Variants in EXOC4 observed in about 807,000 individuals in gnomAD.
EXOC4 encodes SEC8-like 1.
Under a neutral mutation model 107.2 loss-of-function variants are expected in EXOC4, and 71 were observed. The observed-to-expected ratio is 0.66, with a 90% confidence interval of 0.55 to 0.81. The LOEUF is 0.81. Ranked by LOEUF, EXOC4 falls within the 30% of genes least tolerant of loss-of-function variation. The pLI is 0.00. For synonymous variants in EXOC4, 456 were observed against 441.2 expected (o/e 1.03, Z -0.42); for missense variants, 1,108 against 1,189.6 (o/e 0.93, Z 1.01).
chr7:133,655,816 A>C (rs535846972), intron 10 of EXOC4, among the ~76,000 whole-genome samples: 32 of 152,342 alleles, frequency 2.1e-4, no homozygotes, highest in African/African-American at 7.5e-4. Flanking sequence ...AATAAGGAGG[A>C]ATACACTCTC....
At chr7:133,713,249 T>C (rs1018775554) in intron 10 of EXOC4, among the ~76,000 whole-genome samples, 8 of 152,200 alleles carry the variant, frequency 5.3e-5, no homozygotes, top group Non-Finnish European at 1.0e-4. Flanking sequence ...TCTCCTCTTC[T>C]ACAGAGTTGC....
chr7:133,736,973 G>T (rs1467488646), intron 10 of EXOC4, among the ~76,000 whole-genome samples: 1 of 152,040 alleles, frequency 6.6e-6, no homozygotes, highest in Non-Finnish European at 1.5e-5. Flanking sequence ...TGTTTCTTCA[G>T]CCACCTATGC....
At chr7:133,755,272 A>C (rs1260903120) in intron 10 of EXOC4, among the ~76,000 whole-genome samples, 1 of 103,100 alleles carries the variant, frequency 9.7e-6, no homozygotes, top group Non-Finnish European at 1.9e-5. Flanking sequence ...TATTATATAT[A>C]TTATATATAT....
chr7:133,919,597 C>T (rs187449454), intron 13 of EXOC4, among the ~76,000 whole-genome samples: 25 of 152,230 alleles, frequency 1.6e-4, no homozygotes, highest in African/African-American at 2.2e-4. Context: ...TCCATAGTTT[C>T]GTCTTTTGCA....
At chr7:133,526,499 C>T (rs1800081310) in intron 9 of EXOC4, among the ~76,000 whole-genome samples, 1 of 152,132 alleles carries the variant, frequency 6.6e-6, no homozygotes. Context: ...TCCATTGATC[C>T]TACATTCTGT....
At chr7:133,677,227 G>A (rs1585072419) in intron 10 of EXOC4, among the ~76,000 whole-genome samples, 1 of 151,958 alleles carries the variant, frequency 6.6e-6, no homozygotes, top group Non-Finnish European at 1.5e-5. Context: ...CTTTGTTACC[G>A]TTAAGATGTA....
chr7:133,384,368 T>G (rs1351984207), intron 7 of EXOC4, among the ~76,000 whole-genome samples: 1 of 152,096 alleles, frequency 6.6e-6, no homozygotes, highest in Non-Finnish European at 1.5e-5. Context: ...GTCTTCCTTC[T>G]CCCTCACTGC....
chr7:133,563,613 AGTTAT>A (rs1349152770), intron 9 of EXOC4, among the ~76,000 whole-genome samples: 8 of 152,320 alleles, frequency 5.3e-5, no homozygotes, highest in African/African-American at 1.9e-4. Flanking sequence ...GCTGTAGCCT[AGTTAT>A]GTGTAGCTCG....
chr7:133,701,374 A>G (rs902948905), intron 10 of EXOC4, among the ~76,000 whole-genome samples: 1 of 152,214 alleles, frequency 6.6e-6, no homozygotes, highest in Non-Finnish European at 1.5e-5. Flanking sequence ...ACAGGCTCAA[A>G]ATGGAAACAT....
chr7:134,067,634 TATATACACACACACACACAC>T (rs1355587611), downstream of EXOC4, among the ~76,000 whole-genome samples: 4 of 133,758 alleles, frequency 3.0e-5, no homozygotes, highest in Admixed American at 3.1e-4. Context: ...CTTATATATA[TATATACACACACACACACAC>T]ACACACACAC....
In EXOC4 at chr7:133,339,263, G is replaced by A. The variant is rs769062089; in HGVS notation, c.764-17067G>A. Among the ~76,000 whole-genome samples the A allele has an allele frequency of 8.5e-4, 130 of 152,148 alleles. 1 individual carries two copies. The highest frequency in any genetic ancestry group is 1.4e-3 in the Non-Finnish European group (96 of 67,994). On this transcript the variant is annotated intron_variant, in intron 5 of 17. Coordinates refer to ENST00000253861, the MANE Select transcript of EXOC4 (RefSeq NM_021807.4). The stretch of plus-strand genomic sequence containing the variant: ...GTGTGTGTGTGTGTTGTTGAATAGG[G>A]TGTCCTTTCTCTGCTTTATGTTTTT...
At chr7:133,569,602 G>A (rs954587522) in intron 9 of EXOC4, among the ~76,000 whole-genome samples, 1 of 152,112 alleles carries the variant, frequency 6.6e-6, no homozygotes, top group Non-Finnish European at 1.5e-5. Flanking sequence ...ATAATATTGA[G>A]GAAAGATGTG....
intron 9 of EXOC4, among the ~76,000 whole-genome samples, chr7:133,549,721 G>C (rs2150940167): frequency 6.6e-6 from 1 of 152,226 alleles, no homozygotes; most frequent in African/African-American, 2.4e-5. Flanking sequence ...ATAAAGCAAA[G>C]CATACTTCAA....
intron 9 of EXOC4, among the ~76,000 whole-genome samples, chr7:133,563,818 A>G (rs1174915364): frequency 2.6e-5 from 4 of 152,360 alleles, no homozygotes; most frequent in Admixed American, 6.5e-5. Flanking sequence ...TTGGGTAAAG[A>G]TAGAAATTTG....
At chr7:133,823,917 ATATATAAAT>A (rs1797634232) in intron 11 of EXOC4, among the ~76,000 whole-genome samples, 5 of 71,878 alleles carry the variant, frequency 7.0e-5, no homozygotes, top group Admixed American at 3.8e-4. Flanking sequence ...ATATAAATAT[ATATATAAAT>A]TATATATATA....
chr7:134,012,487 TTACTG>T (rs1016191656), intron 17 of EXOC4, among the ~76,000 whole-genome samples: 2 of 152,170 alleles, frequency 1.3e-5, no homozygotes, highest in African/African-American at 2.4e-5. Context: ...AAGTTTTTAT[TTACTG>T]TAATGAAAGT....
Position 133,709,970 on chromosome 7 carries a change from A to T in EXOC4, c.1514+79829A>T, listed in dbSNP as rs147413539. 5.9e-4 allele frequency among the ~76,000 whole-genome samples: 90 copies of T among 152,254 alleles called. 2 individuals are homozygous for T. In the East Asian group the frequency reaches 0.016, roughly 27 times the overall value. On this transcript the variant is annotated intron_variant, in intron 10 of 17. Coordinates refer to ENST00000253861, the MANE Select transcript of EXOC4 (RefSeq NM_021807.4). ...ACATATGTTATTACACCAAACTTAAATTGGTCACCATTATCCTCTTAGCAT... is the reference window on the plus strand; with the variant it reads ...ACATATGTTATTACACCAAACTTAATTTGGTCACCATTATCCTCTTAGCAT...
At chr7:133,380,016 A>G (rs1318338814) in intron 7 of EXOC4, among the ~76,000 whole-genome samples, 5 of 151,406 alleles carry the variant, frequency 3.3e-5, no homozygotes, top group Admixed American at 1.3e-4. Flanking sequence ...ACATGTTCTC[A>G]CTCATAGGTG....
the EXOC4 span, among the ~76,000 whole-genome samples, chr7:134,076,333 C>T: frequency 3.9e-5 from 6 of 152,178 alleles, no homozygotes; most frequent in East Asian, 3.9e-4. Context: ...CTGGCTAACA[C>T]GGTGAAACCC....
Sources: gnomAD v4.1 joint callset for allele counts (sites outside exome capture counted in the v4.1 genomes callset) on GRCh38, gnomAD v4.1.1 for gene constraint, MANE v1.5 for transcripts, NCBI Gene and HGNC (gene_info 2026-07-23, HGNC 2026-07-21) for gene names.